ARHGAP42: variants seen among roughly 807,000 people sequenced by gnomAD.
ARHGAP42 encodes the protein rho GTPase-activating protein 42.
Under a neutral mutation model 125.0 loss-of-function variants are expected in ARHGAP42, and 63 were observed. The observed-to-expected ratio is 0.50, with a 90% CI of 0.41 to 0.62. The LOEUF is 0.62. Ranked by LOEUF, ARHGAP42 falls within the 20% of genes least tolerant of loss-of-function variation. The pLI, the probability that ARHGAP42 is intolerant of heterozygous loss-of-function variation, is 0.00. For missense variants in ARHGAP42, 766 were observed against 1,024.2 expected (o/e 0.75, Z 3.44); for synonymous variants, 339 against 351.0 (o/e 0.97, Z 0.38).
At chr11:100,709,385 G>T (rs554108675) in intron 1 of ARHGAP42, among the ~76,000 whole-genome samples, 1 of 152,166 alleles carries the variant, frequency 6.6e-6, no homozygotes, top group Non-Finnish European at 1.5e-5. Flanking sequence ...TGATATCTGA[G>T]ACAGCTCTTA....
At chr11:100,702,693 C>T (rs1368148839) in intron 1 of ARHGAP42, among the ~76,000 whole-genome samples, 13 of 139,866 alleles carry the variant, frequency 9.3e-5, no homozygotes, top group African/African-American at 3.2e-4. Context: ...TTTTTTGACA[C>T]GGAGTTTTGC....
chr11:100,795,669 G>T (rs751834273), intron 3 of ARHGAP42, among the ~76,000 whole-genome samples: 2 of 152,152 alleles, frequency 1.3e-5, no homozygotes, highest in Admixed American at 6.5e-5. Context: ...ATATGCAAAG[G>T]TATTAGAGCA....
chr11:100,949,337 T>A (rs2135282899), intron 11 of ARHGAP42, among the ~76,000 whole-genome samples: 1 of 152,326 alleles, frequency 6.6e-6, no homozygotes, highest in East Asian at 1.9e-4. Flanking sequence ...CCACTTGGGT[T>A]ATTTTAAGCC....
At chr11:100,980,768 A>C (rs1014894971) in intron 22 of ARHGAP42, among the ~76,000 whole-genome samples, 1 of 136,042 alleles carries the variant, frequency 7.4e-6, no homozygotes, top group Non-Finnish European at 1.6e-5. Context: ...ACAGGGTTTC[A>C]CCAGGTTGGC....
At chr11:100,701,658 T>C (rs1467964955) in intron 1 of ARHGAP42, among the ~76,000 whole-genome samples, 2 of 152,212 alleles carry the variant, frequency 1.3e-5, no homozygotes, top group Non-Finnish European at 2.9e-5. Context: ...ACCTCTCTTA[T>C]AGAAATCATA....
intron 3 of ARHGAP42, among the ~76,000 whole-genome samples, chr11:100,797,879 T>C (rs977648853): frequency 1.3e-5 from 2 of 152,224 alleles, no homozygotes; most frequent in Non-Finnish European, 2.9e-5. Flanking sequence ...GATTTATCAC[T>C]AGAAGTTGAT....
chr11:100,698,470 T>TA (rs984815575), intron 1 of ARHGAP42, among the ~76,000 whole-genome samples: 50 of 152,056 alleles, frequency 3.3e-4, no homozygotes, highest in African/African-American at 1.1e-3. Context: ...GACCCTGTCT[T>TA]AAAAAAAGGT....
chr11:100,727,123 T>C (rs186302928), intron 1 of ARHGAP42, among the ~76,000 whole-genome samples: 2 of 152,356 alleles, frequency 1.3e-5, no homozygotes, highest in East Asian at 3.9e-4. Context: ...ATTATTATTG[T>C]TCATTCTGAA....
intron 4 of ARHGAP42, among the ~76,000 whole-genome samples, chr11:100,909,756 A>G (rs1449064683): frequency 1.3e-5 from 2 of 152,162 alleles, no homozygotes; most frequent in African/African-American, 4.8e-5. Flanking sequence ...ATGGCTGTCC[A>G]ATTTTCCAGC....
intron 1 of ARHGAP42, among the ~76,000 whole-genome samples, chr11:100,722,564 A>G (rs560943608): frequency 6.6e-6 from 1 of 151,902 alleles, no homozygotes; most frequent in Non-Finnish European, 1.5e-5. Flanking sequence ...GTAATTTTGT[A>G]TTTTTAGTAG....
chr11:100,987,705 C>T (rs1858717359), intron 23 of ARHGAP42, 113 bp downstream of exon 23: 2 of 962,150 alleles, frequency 2.1e-6, no homozygotes. Flanking sequence ...TATCCCATGT[C>T]CTGCCTCTCA....
chr11:100,806,837 G>GTTTGTTTATTTATTTATTTA (rs1170787108), intron 3 of ARHGAP42, among the ~76,000 whole-genome samples: 3 of 149,342 alleles, frequency 2.0e-5, no homozygotes, highest in African/African-American at 7.4e-5. Flanking sequence ...TTGTTTGTTT[G>GTTTGTTTATTTATTTATTTA]TTTATTTATT....
At chr11:100,693,104 C>T (rs1268582374) in intron 1 of ARHGAP42, among the ~76,000 whole-genome samples, 1 of 150,382 alleles carries the variant, frequency 6.6e-6, no homozygotes, top group Non-Finnish European at 1.5e-5. Context: ...CCTTTAGCTT[C>T]TTGTAAGAAC....
At chr11:100,862,928 T>C (rs1865478161) in intron 4 of ARHGAP42, among the ~76,000 whole-genome samples, 1 of 150,890 alleles carries the variant, frequency 6.6e-6, no homozygotes, top group African/African-American at 2.4e-5. Context: ...TCCCAGCTAC[T>C]CGGGAGGCTG....
In ARHGAP42 at chr11:100,962,380, C is replaced by T. The variant is rs1857978059; in HGVS notation, c.1386-29C>T. On this transcript the variant is annotated intron_variant, in intron 15 of 23. Coordinates refer to ENST00000298815, the MANE Select transcript of ARHGAP42 (RefSeq NM_152432.4). ...GGGGAGAATAAAAGATTCTACTATT[C>T]TAACATGTGTTTCCTTTCTCTGTTG... 2.0e-6 allele frequency: 3 copies of T among 1,537,578 alleles called. No homozygotes were observed. The South Asian group carries it at 3.6e-5, about 18-fold the overall frequency.
chr11:100,872,057 T>C (rs993701641), intron 4 of ARHGAP42, among the ~76,000 whole-genome samples: 1 of 152,244 alleles, frequency 6.6e-6, no homozygotes, highest in Admixed American at 6.5e-5. Context: ...TCATTTATTC[T>C]TAATATAACA....
rs538408859 is a variant in ARHGAP42, at chr11:100,812,595, A to G, written c.312+17429A>G. ...AGGAAGGCCTCAGTGAGTAAATGTCATTTAAGCAGAGACCTGACAAAGAAA... is the reference window on the plus strand; with the variant it reads ...AGGAAGGCCTCAGTGAGTAAATGTCGTTTAAGCAGAGACCTGACAAAGAAA... On this transcript the variant is annotated intron_variant, in intron 3 of 23. Transcript: ENST00000298815. 3.3e-5 allele frequency among the ~76,000 whole-genome samples: 5 copies of G among 152,334 alleles called. No individual in the cohort carries two copies. In the South Asian group the frequency reaches 8.3e-4, roughly 25 times the overall value.
At chr11:100,854,473 C>T (rs1232028094) in intron 3 of ARHGAP42, among the ~76,000 whole-genome samples, 2 of 152,132 alleles carry the variant, frequency 1.3e-5, no homozygotes, top group African/African-American at 2.4e-5. Flanking sequence ...TCCAGATAGC[C>T]TTACATAGCA....
At chr11:100,840,861 T>G (rs17095649) in intron 3 of ARHGAP42, among the ~76,000 whole-genome samples, 1 of 152,178 alleles carries the variant, frequency 6.6e-6, no homozygotes, top group African/African-American at 2.4e-5. Flanking sequence ...TTACTTCAGG[T>G]CAGCTAGGTA....
Sources: gnomAD v4.1 joint callset for allele counts (sites outside exome capture counted in the v4.1 genomes callset) on GRCh38, gnomAD v4.1.1 for gene constraint, MANE v1.5 for transcripts, NCBI Gene and HGNC (gene_info 2026-07-23, HGNC 2026-07-21) for gene names.